The following SORBS2 variants were observed in gnomAD, a reference collection of about 807,000 sequenced individuals.
The protein encoded by SORBS2 is sorbin and SH3 domain containing 2, also known as sorbin and SH3 domain-containing protein 2.
In SORBS2, 46 loss-of-function variants were observed where a neutral mutation model predicts 97.7. That is an observed-to-expected ratio of 0.47 (90% CI 0.37 to 0.60). The LOEUF is 0.60. SORBS2 is among the 20% of genes least tolerant of loss of function. The probability of loss-of-function intolerance (pLI) is 0.00; values close to 1 mark genes in which losing one functional copy is unlikely to be tolerated. For missense variants in SORBS2, 1,316 were observed against 1,282.3 expected (o/e 1.03, Z -0.40); for synonymous variants, 476 against 473.4 (o/e 1.01, Z -0.07).
At chr4:185,594,006 G>T (rs774868394) in intron 12 of SORBS2, 71 bp from the exon 25 acceptor site, 4 of 1,005,166 alleles carry the variant, frequency 4.0e-6, no homozygotes, top group African/African-American at 1.6e-5. Context: ...TTGGATAATG[G>T]CATGGTACTT....
intron 1 of SORBS2, among the ~76,000 whole-genome samples, chr4:185,924,742 T>G (rs1379536876): frequency 6.6e-6 from 1 of 152,238 alleles, no homozygotes; most frequent in Non-Finnish European, 1.5e-5. Flanking sequence ...AGACTCCTCA[T>G]ATAAGCAGCC....
chr4:185,902,380 G>A (rs2149834434), intron 1 of SORBS2, among the ~76,000 whole-genome samples: 1 of 152,180 alleles, frequency 6.6e-6, no homozygotes, highest in South Asian at 2.1e-4. Flanking sequence ...AGGACAATAT[G>A]GAAAGACCAT....
intron 2 of SORBS2, among the ~76,000 whole-genome samples, chr4:185,698,255 C>T (rs1048837802): frequency 2.0e-5 from 3 of 152,136 alleles, no homozygotes; most frequent in Non-Finnish European, 2.9e-5. Context: ...GCAGGAGGGT[C>T]ACTTGAGGTC....
chr4:185,945,747 T>C (rs1220975032), intron 1 of SORBS2, among the ~76,000 whole-genome samples: 1 of 152,198 alleles, frequency 6.6e-6, no homozygotes, highest in Admixed American at 6.5e-5. Context: ...AGGACAGATA[T>C]CTGATCCATG....
chr4:185,796,045 G>A (rs2099103092), intron 1 of SORBS2, among the ~76,000 whole-genome samples: 1 of 152,066 alleles, frequency 6.6e-6, no homozygotes, highest in African/African-American at 2.4e-5. Flanking sequence ...TTACTGTACT[G>A]TCCTCCTACA....
chr4:185,895,134 C>T (rs925557012), intron 1 of SORBS2, among the ~76,000 whole-genome samples: 1 of 152,196 alleles, frequency 6.6e-6, no homozygotes, highest in South Asian at 2.1e-4. Flanking sequence ...TGAATTAGGA[C>T]GATAGGCCCA....
At chr4:185,697,487 T>A (rs1183272730) in intron 2 of SORBS2, among the ~76,000 whole-genome samples, 1 of 152,136 alleles carries the variant, frequency 6.6e-6, no homozygotes, top group Non-Finnish European at 1.5e-5. Context: ...CACATTGCCA[T>A]GAACAAGAGA....
chr4:185,896,026 A>T (rs1447711601), intron 1 of SORBS2, among the ~76,000 whole-genome samples: 2 of 152,208 alleles, frequency 1.3e-5, no homozygotes, highest in Non-Finnish European at 2.9e-5. Flanking sequence ...CCCATTGACC[A>T]CAATTATCCA....
intron 2 of SORBS2, among the ~76,000 whole-genome samples, chr4:185,731,066 G>A (rs1185127909): frequency 6.6e-6 from 1 of 152,178 alleles, no homozygotes; most frequent in African/African-American, 2.4e-5. Flanking sequence ...AAGCAGCCAT[G>A]ATCTTTTTAT....
chr4:185,753,362 G>A (rs2098812734), intron 2 of SORBS2, among the ~76,000 whole-genome samples: 1 of 152,188 alleles, frequency 6.6e-6, no homozygotes, highest in Non-Finnish European at 1.5e-5. Context: ...ATTAGAAATT[G>A]CATAAGGATT....
intron 1 of SORBS2, among the ~76,000 whole-genome samples, chr4:185,897,191 A>C (rs1487250288): frequency 6.6e-6 from 1 of 152,198 alleles, no homozygotes; most frequent in Non-Finnish European, 1.5e-5. Flanking sequence ...AAAACCTAAA[A>C]GTATTACTCT....
At position 185,720,105 on chromosome 4, in the gene SORBS2, G is replaced by T. The variant is rs534773645; in HGVS notation, c.-197-41283C>A. Among the ~76,000 whole-genome samples, 390 of 152,286 alleles carry T rather than the reference G, an allele frequency of 2.6e-3. 3 individuals carry two copies. The highest frequency in any genetic ancestry group is 9.1e-3 in the African/African-American group (378 of 41,552). On this transcript the variant is annotated intron_variant, in intron 2 of 20. Coordinates refer to the SORBS2 transcript ENST00000284776. Reference sequence around the variant, plus strand: ...GGGGCAGCCCTCTTGACCACCAAGGGAAGCCATGTTTAGCGCTGAGAAAGA... The same window carrying T: ...GGGGCAGCCCTCTTGACCACCAAGGTAAGCCATGTTTAGCGCTGAGAAAGA...
chr4:185,860,431 G>C (rs1044940655), intron 1 of SORBS2, among the ~76,000 whole-genome samples: 1 of 152,218 alleles, frequency 6.6e-6, no homozygotes, highest in Non-Finnish European at 1.5e-5. Flanking sequence ...GTTAGAAAGG[G>C]CCTCACATGG....
At chr4:185,754,751 AT>A (rs1317925294) in intron 2 of SORBS2, among the ~76,000 whole-genome samples, 1 of 152,200 alleles carries the variant, frequency 6.6e-6, no homozygotes, top group Non-Finnish European at 1.5e-5. Context: ...CCTTGCAGCT[AT>A]TACTCCACCA....
intron 1 of SORBS2, among the ~76,000 whole-genome samples, chr4:185,931,732 A>C (rs1157475200): frequency 6.6e-6 from 1 of 152,108 alleles, no homozygotes; most frequent in African/African-American, 2.4e-5. Flanking sequence ...GACCAGAGTG[A>C]GGTTAGGGAG....
intron 11 of SORBS2, 47 bp downstream of exon 23, chr4:185,614,784 A>C: frequency 6.2e-7 from 1 of 1,606,448 alleles, no homozygotes; most frequent in Non-Finnish European, 8.5e-7. Flanking sequence ...AAACCCACTG[A>C]AGAACAAACA....
chr4:185,803,712 C>T (rs546714243), intron 1 of SORBS2, among the ~76,000 whole-genome samples: 1 of 151,894 alleles, frequency 6.6e-6, no homozygotes, highest in East Asian at 1.9e-4. Context: ...TTATATTAGT[C>T]CTGTAAAATT....
intron 2 of SORBS2, among the ~76,000 whole-genome samples, chr4:185,766,744 G>A (rs181586035): frequency 1.3e-5 from 2 of 152,322 alleles, no homozygotes; most frequent in Non-Finnish European, 2.9e-5. Flanking sequence ...CCACTGAGTT[G>A]AGGGCATGTC....
chr4:185,885,168 C>T (rs1429184991), intron 1 of SORBS2, among the ~76,000 whole-genome samples: 1 of 152,160 alleles, frequency 6.6e-6, no homozygotes, highest in Non-Finnish European at 1.5e-5. Flanking sequence ...GCTGTTAAGG[C>T]GTAAGCTAGA....
Sources: allele counts gnomAD v4.1 joint callset (sites outside exome capture counted in the v4.1 genomes callset), GRCh38; gene constraint gnomAD v4.1.1; transcripts MANE v1.5; gene names NCBI Gene and HGNC (gene_info 2026-07-23, HGNC 2026-07-21).